The following GNG2 variants were observed in gnomAD, a reference collection of about 807,000 sequenced individuals.
GNG2 encodes the protein G protein subunit gamma 2, also known as guanine nucleotide-binding protein G(I)/G(S)/G(O) subunit gamma-2.
A neutral mutation model predicts 5.5 loss-of-function variants in GNG2; 5 were observed. The ratio of observed to expected loss-of-function variants is 0.91; its 90% CI spans 0.48 to 1.92. The LOEUF (loss-of-function observed/expected upper bound fraction) is 1.92. Among genes scored for constraint, GNG2 ranks in the 30% most tolerant of loss-of-function variants. GNG2 has a pLI of 0.01. For missense variants in GNG2, 55 were observed against 88.4 expected, an observed-to-expected ratio of 0.62 and a Z score of 1.52; for synonymous variants, 28 against 32.0, an observed-to-expected ratio of 0.88 and a Z score of 0.42.
intron 2 of GNG2, among the ~76,000 whole-genome samples, chr14:51,950,234 A>C (rs1176260667): frequency 6.6e-6 from 1 of 152,182 alleles, no homozygotes; most frequent in East Asian, 1.9e-4. Flanking sequence ...TGTGACTCAA[A>C]CTTTAATTTC....
At chr14:51,861,803 C>A (rs1882505397) in intron 1 of GNG2, among the ~76,000 whole-genome samples, 1 of 152,162 alleles carries the variant, frequency 6.6e-6, no homozygotes, top group Non-Finnish European at 1.5e-5. Context: ...TACCCTCATG[C>A]AGCACGATTT....
chr14:51,962,278 T>C (rs1889660576), intron 3 of GNG2, among the ~76,000 whole-genome samples: 1 of 152,180 alleles, frequency 6.6e-6, no homozygotes, highest in African/African-American at 2.4e-5. Context: ...GTTAACTGAT[T>C]ATGTAAGATC....
intron 2 of GNG2, among the ~76,000 whole-genome samples, chr14:51,888,830 A>T (rs1884638285): frequency 6.6e-6 from 1 of 152,194 alleles, no homozygotes; most frequent in African/African-American, 2.4e-5. Flanking sequence ...TAAACAAGCA[A>T]CCTGGAGGAA....
chr14:51,907,102 G>A (rs1458372428), intron 2 of GNG2, among the ~76,000 whole-genome samples: 1 of 152,100 alleles, frequency 6.6e-6, no homozygotes, highest in African/African-American at 2.4e-5. Flanking sequence ...ACTAAGCCAC[G>A]CTGGCAGCAC....
upstream of GNG2, among the ~76,000 whole-genome samples, chr14:51,858,710 G>A (rs994188131): frequency 6.6e-6 from 1 of 152,100 alleles, no homozygotes; most frequent in Non-Finnish European, 1.5e-5. Flanking sequence ...ACATTTAAAA[G>A]TTCCTGGTAA....
At chr14:51,893,729 T>A (rs1018229407) in intron 2 of GNG2, among the ~76,000 whole-genome samples, 2 of 152,152 alleles carry the variant, frequency 1.3e-5, no homozygotes, top group East Asian at 3.8e-4. Context: ...TAAAAAACAT[T>A]TCTCCATGTT....
At chr14:51,877,012 T>C (rs1248836631) in intron 1 of GNG2, among the ~76,000 whole-genome samples, 2 of 152,152 alleles carry the variant, frequency 1.3e-5, no homozygotes, top group Non-Finnish European at 2.9e-5. Context: ...TGGACAAACG[T>C]AGGCCACTCT....
intron 2 of GNG2, among the ~76,000 whole-genome samples, chr14:51,897,774 G>T (rs1347837136): frequency 6.6e-6 from 1 of 152,200 alleles, no homozygotes. Flanking sequence ...ACTGTCATTG[G>T]CTCTGCCATG....
chr14:51,877,801 T>C, intron 2 of GNG2, 144 bp downstream of exon 2: 1 of 227,938 alleles, frequency 4.4e-6, no homozygotes, highest in Non-Finnish European at 9.1e-6. Flanking sequence ...AATATTGACA[T>C]GACTTCAGAA....
At chr14:51,840,841 A>G (rs1360804139) in intron 2 of GNG2, among the ~76,000 whole-genome samples, 1 of 152,186 alleles carries the variant, frequency 6.6e-6, no homozygotes, top group Admixed American at 6.5e-5. Flanking sequence ...GTTATGTTAG[A>G]TAAGCAAATC....
intron 2 of GNG2, among the ~76,000 whole-genome samples, chr14:51,949,707 T>A (rs1421561505): frequency 6.6e-6 from 1 of 152,164 alleles, no homozygotes; most frequent in Non-Finnish European, 1.5e-5. Flanking sequence ...GTCCTAAAAT[T>A]GCATATGACA....
intron 2 of GNG2, among the ~76,000 whole-genome samples, chr14:51,942,313 A>T (rs1888364126): frequency 6.6e-6 from 1 of 152,094 alleles, no homozygotes; most frequent in Non-Finnish European, 1.5e-5. Flanking sequence ...CACTGGGGGT[A>T]CTATGGGCCT....
intron 2 of GNG2, among the ~76,000 whole-genome samples, chr14:51,839,638 G>C (rs1881430234): frequency 6.6e-6 from 1 of 152,136 alleles, no homozygotes. Flanking sequence ...TAACTGCAAA[G>C]GAGTATGAGA....
upstream of GNG2, among the ~76,000 whole-genome samples, chr14:51,859,531 C>G (rs1882323867): frequency 6.6e-6 from 1 of 152,186 alleles, no homozygotes; most frequent in Non-Finnish European, 1.5e-5. Context: ...TCCTATATCC[C>G]CAGAACTATT....
intron 2 of GNG2, among the ~76,000 whole-genome samples, chr14:51,833,313 C>G (rs1295881230): frequency 6.6e-6 from 1 of 152,170 alleles, no homozygotes; most frequent in Non-Finnish European, 1.5e-5. Context: ...AAATCTTCAT[C>G]TTTAATGGGC....
At chr14:51,833,565 CA>C (rs1183872144) in intron 2 of GNG2, among the ~76,000 whole-genome samples, 18 of 152,210 alleles carry the variant, frequency 1.2e-4, no homozygotes, top group Admixed American at 1.2e-3. Context: ...GATGCCTCTT[CA>C]AAAGGTGGAG....
rs558821199 is a variant in GNG2 at position 51,965,947 on chromosome 14, G to A, written c.88-612G>A. On this transcript the variant is annotated intron_variant, in intron 3 of 3. Transcript: ENST00000556766. ...AGGAGGGCCGGGCACAGTGGCTCAC[G>A]TCTGTAATCCCAGCACTTTCGGAAG... Among the ~76,000 whole-genome samples, 8 of 152,106 alleles carry A rather than the reference G, an allele frequency of 5.3e-5. No individual in the cohort carries two copies. In the East Asian group the frequency reaches 1.5e-3, roughly 29 times the overall value.
chr14:51,951,111 T>C (rs1888951547), intron 3 of GNG2, among the ~76,000 whole-genome samples: 1 of 152,244 alleles, frequency 6.6e-6, no homozygotes, highest in Non-Finnish European at 1.5e-5. Context: ...ATTTGGTTTT[T>C]AATTTTTTCT....
chr14:51,859,437 C>T (rs1219640395), upstream of GNG2, among the ~76,000 whole-genome samples: 2 of 152,142 alleles, frequency 1.3e-5, no homozygotes, highest in African/African-American at 2.4e-5. Context: ...GGTGAGGGTT[C>T]GGCTGCTGAC....
Sources: allele counts gnomAD v4.1 joint callset (sites outside exome capture counted in the v4.1 genomes callset), GRCh38; gene constraint gnomAD v4.1.1; transcripts MANE v1.5; gene names NCBI Gene and HGNC (gene_info 2026-07-23, HGNC 2026-07-21).